ZBTB7C: variants seen among roughly 807,000 people sequenced by gnomAD.
ZBTB7C encodes the protein zinc finger and BTB domain-containing protein 7C.
Under a neutral mutation model 25.7 loss-of-function variants are expected in ZBTB7C, and 8 were observed. The observed-to-expected ratio is 0.31, with a 90% confidence interval of 0.18 to 0.56. ZBTB7C has a LOEUF of 0.56. Among genes scored for constraint, ZBTB7C ranks in the 20% least tolerant of loss-of-function variants. ZBTB7C has a pLI of 0.91. For synonymous variants in ZBTB7C, 394 were observed against 369.0 expected (o/e 1.07, Z -0.78); for missense variants, 824 against 855.2 (o/e 0.96, Z 0.46).
intron 1 of ZBTB7C, among the ~76,000 whole-genome samples, chr18:48,347,401 C>T (rs924014534): frequency 6.6e-6 from 1 of 152,174 alleles, no homozygotes; most frequent in South Asian, 2.1e-4. Context: ...TACCATAATT[C>T]CTCAGTTGAG....
At chr18:48,351,120 T>C (rs9304363) in intron 1 of ZBTB7C, among the ~76,000 whole-genome samples, 54,198 of 151,880 alleles carry the variant, frequency 0.36, 10,789 homozygotes, top group East Asian at 0.7. Context: ...GAATGGCCCT[T>C]CACAGAGCTG....
intron 2 of ZBTB7C, among the ~76,000 whole-genome samples, chr18:48,256,599 A>G (rs2044029043): frequency 6.6e-6 from 1 of 151,906 alleles, no homozygotes; most frequent in Non-Finnish European, 1.5e-5. Context: ...AGCTTTAGAA[A>G]TGGTTTTGTG....
At chr18:48,272,734 C>A (rs929593791) in intron 2 of ZBTB7C, among the ~76,000 whole-genome samples, 2 of 151,970 alleles carry the variant, frequency 1.3e-5, no homozygotes, top group African/African-American at 4.8e-5. Context: ...TGATAATAAT[C>A]AAAAAGTGGA....
At chr18:48,137,415 T>TTC (rs778528320) in intron 3 of ZBTB7C, 22,552 of 746,162 alleles carry the variant, frequency 0.03, 734 homozygotes, top group Middle Eastern at 0.077. Context: ...TTTGTGGGTT[T>TTC]CCCCCCACTC....
At chr18:48,190,381 G>A (rs2042163658) in intron 2 of ZBTB7C, among the ~76,000 whole-genome samples, 1 of 152,188 alleles carries the variant, frequency 6.6e-6, no homozygotes, top group African/African-American at 2.4e-5. Context: ...CATTTGTTGA[G>A]TACCTGCTGG....
chr18:48,172,347 C>T (rs1376543230), intron 3 of ZBTB7C, among the ~76,000 whole-genome samples: 2 of 152,182 alleles, frequency 1.3e-5, no homozygotes, highest in African/African-American at 2.4e-5. Context: ...CTTGGTGGAG[C>T]AGGCAGGGGG....
upstream of ZBTB7C, among the ~76,000 whole-genome samples, chr18:48,412,362 G>C (rs372645471): frequency 6.6e-6 from 1 of 152,152 alleles, no homozygotes; most frequent in Non-Finnish European, 1.5e-5. Context: ...TAGAACTTAC[G>C]GTTTCCATTG....
intron 2 of ZBTB7C, among the ~76,000 whole-genome samples, chr18:48,208,532 G>C (rs565920115): frequency 1.3e-5 from 2 of 152,310 alleles, no homozygotes; most frequent in African/African-American, 4.8e-5. Context: ...AGTTGGCACA[G>C]AGCCTGGAGT....
chr18:48,339,964 T>C (rs902470760), intron 1 of ZBTB7C, among the ~76,000 whole-genome samples: 45 of 152,230 alleles, frequency 3.0e-4, no homozygotes, highest in African/African-American at 1.1e-3. Flanking sequence ...AAGTCACTTC[T>C]CTGCAAAGCA....
At chr18:48,049,374 G>A (rs1348843179) in intron 3 of ZBTB7C, among the ~76,000 whole-genome samples, 1 of 152,164 alleles carries the variant, frequency 6.6e-6, no homozygotes, top group African/African-American at 2.4e-5. Context: ...GAGGTTCCAG[G>A]CACACTTGGG....
At chr18:48,341,552 G>A (rs904706028) in intron 1 of ZBTB7C, among the ~76,000 whole-genome samples, 2 of 152,246 alleles carry the variant, frequency 1.3e-5, no homozygotes, top group African/African-American at 2.4e-5. Flanking sequence ...TAGGGCTGGT[G>A]ACAGCACAGG....
At chr18:48,083,672 G>T (rs1235771434) in intron 3 of ZBTB7C, among the ~76,000 whole-genome samples, 2 of 152,082 alleles carry the variant, frequency 1.3e-5, no homozygotes, top group East Asian at 3.9e-4. Flanking sequence ...AACGGAATTT[G>T]TCATAATGGG....
Position 48,119,902 on chromosome 18 carries a change from A to T in ZBTB7C, c.-17+66032T>A, listed in dbSNP as rs1276148411. 3.3e-5 allele frequency among the ~76,000 whole-genome samples: 5 copies of T among 152,322 alleles called. No individual in the cohort carries two copies. The East Asian group carries it at 9.6e-4, about 29-fold the overall frequency. ...TCAATAGCGGGGGTTGAGAGAAGGC[A>T]CTTTGAGTCTGGAGTGTGTTGGTTG... On this transcript the variant is annotated intron_variant, in intron 3 of 4. Transcript: ENST00000590800.
rs1376428438 is a variant in ZBTB7C at position 48,140,824 on chromosome 18, C to T, written c.-17+45110G>A. On this transcript the variant is annotated intron_variant, in intron 3 of 4. Coordinates refer to ENST00000590800, the MANE Select transcript of ZBTB7C (RefSeq NM_001318841.2). ...CCGCGCCCCCAGCCAAACCATCCATCAGCAAGTCTGTCTCCAAAATAGAGC... is the reference window on the plus strand; with the variant it reads ...CCGCGCCCCCAGCCAAACCATCCATTAGCAAGTCTGTCTCCAAAATAGAGC... Among the ~76,000 whole-genome samples the T allele has an allele frequency of 2.0e-5, 3 of 152,144 alleles. No homozygotes were observed. In the East Asian group the frequency reaches 5.8e-4, roughly 29 times the overall value.
At chr18:48,185,577 C>T (rs1431887386) in intron 3 of ZBTB7C, 1 of 223,630 alleles carries the variant, frequency 4.5e-6, no homozygotes, top group Non-Finnish European at 9.0e-6. Context: ...GTCAACCTAG[C>T]AGCAAACTTA....
intron 4 of ZBTB7C, among the ~76,000 whole-genome samples, chr18:48,033,339 G>T (rs960661122): frequency 6.6e-6 from 1 of 152,218 alleles, no homozygotes; most frequent in East Asian, 1.9e-4. Context: ...AAGCTATTCT[G>T]GGGATGAGAA....
intron 3 of ZBTB7C, among the ~76,000 whole-genome samples, chr18:48,063,928 A>T (rs1319940425): frequency 6.6e-6 from 1 of 151,998 alleles, no homozygotes; most frequent in Middle Eastern, 3.2e-3. Flanking sequence ...TTAAATACTT[A>T]TTAATAAGGA....
chr18:48,154,389 G>C (rs2040770921), intron 3 of ZBTB7C, among the ~76,000 whole-genome samples: 1 of 152,172 alleles, frequency 6.6e-6, no homozygotes, highest in South Asian at 2.1e-4. Flanking sequence ...TCTGGCACAG[G>C]ACAAGGCCCG....
At chr18:48,301,088 C>T (rs1324129639) in intron 2 of ZBTB7C, among the ~76,000 whole-genome samples, 1 of 152,186 alleles carries the variant, frequency 6.6e-6, no homozygotes, top group Middle Eastern at 3.2e-3. Context: ...GCACCTGTGA[C>T]AGATGAGAAG....
Sources: gnomAD v4.1 joint callset for allele counts (sites outside exome capture counted in the v4.1 genomes callset) on GRCh38, gnomAD v4.1.1 for gene constraint, MANE v1.5 for transcripts, NCBI Gene and HGNC (gene_info 2026-07-23, HGNC 2026-07-21) for gene names.